The following FGD5 variants were observed in gnomAD, a reference collection of about 807,000 sequenced individuals.
The protein encoded by FGD5 is FYVE, RhoGEF and PH domain-containing protein 5.
Under a neutral mutation model 133.4 loss-of-function variants are expected in FGD5, and 28 were observed. The observed-to-expected ratio is 0.21, with a 90% CI of 0.16 to 0.29. The LOEUF (loss-of-function observed/expected upper bound fraction) is 0.29, where lower values mean the gene tolerates loss of function less well. FGD5 is among the 10% of genes least tolerant of loss of function. The pLI, the probability that FGD5 is intolerant of heterozygous loss-of-function variation, is 1.00. For missense variants in FGD5, 1,858 were observed against 1,895.2 expected, an observed-to-expected ratio of 0.98 and a Z score of 0.36; for synonymous variants, 810 against 776.5, an observed-to-expected ratio of 1.04 and a Z score of -0.72.
rs1156443212 is a variant in FGD5, at chr3:14,819,346, C to T, written c.275C>T (p.Pro92Leu). The change falls in exon 1 of 20, where the codon CCC (proline) becomes CTC (leucine). Residue 92 changes from proline to leucine, a missense_variant. Pro to Leu is a moderately conservative substitution (Grantham distance 98). Coordinates refer to ENST00000285046, the MANE Select transcript of FGD5 (RefSeq NM_152536.4). The surrounding 1 kb of genome is among the most constrained non-coding windows in gnomAD (Gnocchi z 4.1). ...GTGGGGAACAAAGCCCTGGTGTCTC[C>T]CGAGTCCTCTGCGGAAGAGGAAGAG... Reference protein sequence around the residue: ...GSVGNKALVSPESSAEEEEER... With the variant: ...GSVGNKALVSLESSAEEEEER... 1 of 1,546,394 alleles carries T rather than the reference C, an allele frequency of 6.5e-7. No homozygotes were observed. The highest frequency in any genetic ancestry group is 8.7e-7 in the Non-Finnish European group (1 of 1,144,606).
chr3:14,915,235 G>A (rs1437404998), intron 11 of FGD5, among the ~76,000 whole-genome samples: 1 of 152,230 alleles, frequency 6.6e-6, no homozygotes, highest in Non-Finnish European at 1.5e-5. Flanking sequence ...GGTGGGCCAA[G>A]TCTCCTGCAT....
At position 14,933,490 on chromosome 3, in the gene FGD5, T is replaced by C; in HGVS notation, c.*323T>C. ...GATGTGGAAACCAATGAAAAGTACA[T>C]TTAGAAATGCAGGCTTTTTAGTAGA... On this transcript the variant is annotated 3_prime_UTR_variant, in exon 20 of 20. Transcript: ENST00000285046. 1 of 314,542 alleles carries C rather than the reference T, an allele frequency of 3.2e-6. No individual in the cohort carries two copies. The highest frequency in any genetic ancestry group is 6.0e-6 in the Non-Finnish European group (1 of 166,928). The allele number at this position is 314,542 out of a possible 1,614,324, so 19.5% of individuals were successfully genotyped here. A position where few individuals can be genotyped will look rare whatever the true frequency, so the allele number is the denominator to read the frequency against.
chr3:14,871,950 A>G (rs2037616508), intron 2 of FGD5, among the ~76,000 whole-genome samples: 1 of 152,232 alleles, frequency 6.6e-6, no homozygotes, highest in Admixed American at 6.5e-5. Context: ...ACAGCACCCT[A>G]GCATCTGGGG....
At position 14,922,149 on chromosome 3, in the gene FGD5, C is replaced by A; in HGVS notation, c.3669+132C>A. 2 of 1,065,890 alleles carry A rather than the reference C, an allele frequency of 1.9e-6. No homozygotes were observed. The highest frequency in any genetic ancestry group is 2.7e-6 in the Non-Finnish European group (2 of 729,498). 66.0% of individuals were successfully genotyped at this position (1,065,890 alleles called of 1,614,324 possible). A position where few individuals can be genotyped will look rare whatever the true frequency, so the allele number is the denominator to read the frequency against. ...CTTGGGGCACTGGCTCCCCCCACAC[C>A]CCTGCCATGCTCCCACCCTAGTCAG... On this transcript the variant is annotated intron_variant, in intron 14 of 19. Transcript: ENST00000285046. The surrounding 1 kb of genome is among the most constrained non-coding windows in gnomAD (Gnocchi z 4.1).
At chr3:14,888,015 T>C (rs2037957156) in intron 4 of FGD5, among the ~76,000 whole-genome samples, 1 of 151,388 alleles carries the variant, frequency 6.6e-6, no homozygotes, top group Non-Finnish European at 1.5e-5. Flanking sequence ...AAAAAAAAAT[T>C]TTTTTTTAGC....
chr3:14,885,505 TG>T (rs1159893627), intron 4 of FGD5, among the ~76,000 whole-genome samples: 1 of 152,212 alleles, frequency 6.6e-6, no homozygotes, highest in East Asian at 1.9e-4. Flanking sequence ...AGCGGAATGC[TG>T]AGTTGGTCAC....
Position 14,922,620 on chromosome 3 carries a change from G to T in FGD5, c.3807+72G>T. The T allele has an allele frequency of 6.6e-7, 1 of 1,511,816 alleles. No homozygotes were observed. Among genetic ancestry groups the T allele is most frequent in the Non-Finnish European group, 8.8e-7 (1 of 1,130,422 alleles). The allele number at this position is 1,511,816 out of a possible 1,614,324, so 93.7% of individuals were successfully genotyped here. ...GGGAAGGGCATGTCCCTGCCCAGCC[G>T]GGGGCTCAGGGATGTCCAGCAGCTA... On this transcript the variant is annotated intron_variant, in intron 15 of 19. Transcript: ENST00000285046. The surrounding 1 kb of genome is among the most constrained non-coding windows in gnomAD (Gnocchi z 4.1).
chr3:14,922,128 G>C lies in FGD5; in HGVS notation c.3669+111G>C, dbSNP rs2038694575. 1 of 1,216,368 alleles carries C rather than the reference G, an allele frequency of 8.2e-7. No individual in the cohort carries two copies. The highest frequency in any genetic ancestry group is 1.3e-5 in the South Asian group (1 of 74,600). The allele number at this position is 1,216,368 out of a possible 1,614,324, so 75.3% of individuals were successfully genotyped here. On this transcript the variant is annotated intron_variant, in intron 14 of 19. Coordinates refer to ENST00000285046, the MANE Select transcript of FGD5 (RefSeq NM_152536.4). This position sits in a 1 kb window ranked among gnomAD's most constrained non-coding sequence, Gnocchi z 4.1. ...AGATGGACGTGTAGCTCCTGTCTTG[G>C]GGCACTGGCTCCCCCCACACCCCTG...
chr3:14,909,550 T>C (rs1159133784), intron 10 of FGD5, among the ~76,000 whole-genome samples: 5 of 152,198 alleles, frequency 3.3e-5, no homozygotes, highest in African/African-American at 9.7e-5. Context: ...CCGAAGTCTT[T>C]TGATGAGCTC....
At chr3:14,843,630 G>C (rs191560433) in intron 1 of FGD5, among the ~76,000 whole-genome samples, 50 of 151,286 alleles carry the variant, frequency 3.3e-4, no homozygotes, top group Middle Eastern at 3.5e-3. Flanking sequence ...GCACCAGTCT[G>C]CTGGCTGGAA....
chr3:14,854,238 T>C (rs1326725955), intron 1 of FGD5, among the ~76,000 whole-genome samples: 3 of 152,158 alleles, frequency 2.0e-5, no homozygotes, highest in Admixed American at 2.0e-4. Flanking sequence ...CCTGGCCCTT[T>C]TCCCGTTTTC....
intron 10 of FGD5, among the ~76,000 whole-genome samples, chr3:14,910,229 A>T (rs1410946757): frequency 6.6e-6 from 1 of 152,226 alleles, no homozygotes; most frequent in Non-Finnish European, 1.5e-5. Context: ...CCAGGTTTCC[A>T]GGTGTTCCTC....
intron 8 of FGD5, 78 bp downstream of exon 8, chr3:14,900,531 A>G (rs2038218796): frequency 5.3e-6 from 8 of 1,523,358 alleles, no homozygotes; most frequent in Non-Finnish European, 7.2e-6. Flanking sequence ...CCCTGCCCCA[A>G]TTCCAAGGCC....
intron 1 of FGD5, among the ~76,000 whole-genome samples, chr3:14,812,447 GC>G: frequency 6.6e-6 from 1 of 152,314 alleles, no homozygotes; most frequent in East Asian, 1.9e-4. Context: ...TGAGGCTTGG[GC>G]AGACCCTCCC....
chr3:14,899,192 G>T (rs1163663630), intron 7 of FGD5, among the ~76,000 whole-genome samples: 1 of 152,060 alleles, frequency 6.6e-6, no homozygotes, highest in African/African-American at 2.4e-5. Context: ...GGACCTGCTG[G>T]ACCCACGACC....
chr3:14,864,248 T>C lies in FGD5; in HGVS notation c.2646T>C (p.Ser882=), dbSNP rs1559484844. 1.2e-6 allele frequency: 2 copies of C among 1,613,958 alleles called. No individual in the cohort carries two copies. The highest frequency in any genetic ancestry group is 2.7e-5 in the African/African-American group (2 of 75,036). The part of the protein sequence containing the change: ...EEEDSASRDP[S]VTHKVEGQSR... ...AGGACAGTGCTTCAAGAGACCCCAGTGTCACCCACAAGGTAGGGCACCCCA... is the reference window on the plus strand; with the variant it reads ...AGGACAGTGCTTCAAGAGACCCCAGCGTCACCCACAAGGTAGGGCACCCCA... The change falls in exon 2 of 20, where the codon AGT becomes AGC. Residue 882 remains serine (S), a synonymous_variant. Coordinates refer to ENST00000285046, the MANE Select transcript of FGD5 (RefSeq NM_152536.4).
rs746065648 is a variant in FGD5, at chr3:14,898,112, T to C, written c.3066+17T>C. On this transcript the variant is annotated intron_variant, in intron 6 of 19. Transcript: ENST00000285046. ...GAATTTGAGGTGGGTCCCTTGGTCC[T>C]CTGAGACCCTGCTGTAAGGATGCAG... The C allele has an allele frequency of 1.2e-6, 2 of 1,613,730 alleles. No individual in the cohort carries two copies. Among genetic ancestry groups the C allele is most frequent in the Admixed American group, 3.3e-5 (2 of 60,002 alleles).
At chr3:14,926,623 C>T (rs995884444) in intron 18 of FGD5, among the ~76,000 whole-genome samples, 3 of 152,182 alleles carry the variant, frequency 2.0e-5, no homozygotes, top group African/African-American at 7.2e-5. Context: ...TATAGGGTAA[C>T]TCTAGTAATT....
At position 14,917,356 on chromosome 3, in the gene FGD5, C is replaced by G. The variant is rs750143005; in HGVS notation, c.3489+24C>G. On this transcript the variant is annotated intron_variant, in intron 12 of 19. Transcript: ENST00000285046. The surrounding 1 kb of genome is among the most constrained non-coding windows in gnomAD (Gnocchi z 4.1). ...AGGTAAATATCTGGTGCCAGGTACC[C>G]CCGGGTTGGGGGACAGGGAGACCCC... is the stretch of plus-strand genomic sequence containing the variant. The G allele has an allele frequency of 1.9e-6, 3 of 1,603,432 alleles. No individual in the cohort carries two copies. Among genetic ancestry groups the G allele is most frequent in the Non-Finnish European group, 2.6e-6 (3 of 1,174,738 alleles).
Sources: gnomAD v4.1 joint callset for allele counts (sites outside exome capture counted in the v4.1 genomes callset) on GRCh38, gnomAD v4.1.1 for gene constraint, Gnocchi (gnomAD v3.1) non-coding constraint, MANE v1.5 for transcripts, NCBI Gene and HGNC (gene_info 2026-07-23, HGNC 2026-07-21) for gene names.